Variants in SCHIP1 observed in about 807,000 individuals in gnomAD.
SCHIP1 encodes the protein schwannomin-interacting protein 1.
A neutral mutation model predicts 29.7 loss-of-function variants in SCHIP1; 8 were observed. The observed-to-expected ratio is 0.27, with a 90% CI of 0.16 to 0.49. The LOEUF is 0.49. Ranked by LOEUF, SCHIP1 falls within the 20% of genes least tolerant of loss-of-function variation. The pLI is 0.99. For synonymous variants in SCHIP1, 76 were observed against 94.9 expected (o/e 0.80, Z 1.16); for missense variants, 193 against 294.6 (o/e 0.66, Z 2.52).
the SCHIP1 span, among the ~76,000 whole-genome samples, chr3:159,618,650 C>T: frequency 1.3e-5 from 2 of 152,202 alleles, no homozygotes; most frequent in African/African-American, 4.8e-5. Flanking sequence ...AGATGCAAAA[C>T]GAAACAAAAC....
At chr3:159,331,384 C>T in the SCHIP1 span, among the ~76,000 whole-genome samples, 2 of 152,114 alleles carry the variant, frequency 1.3e-5, no homozygotes, top group Non-Finnish European at 2.9e-5. Context: ...CAAAAAGGAG[C>T]AAAAGCCTTC....
the SCHIP1 span, among the ~76,000 whole-genome samples, chr3:159,539,875 CTAAAGAAA>C: frequency 1.2e-5 from 1 of 83,388 alleles, no homozygotes; most frequent in South Asian, 3.8e-4. Flanking sequence ...ACTATGGACA[CTAAAGAAA>C]TAAAGAGATG....
chr3:159,887,686 G>C (rs1244392316), intron 3 of SCHIP1, 22 bp from the exon 5 acceptor site: 16 of 1,613,408 alleles, frequency 9.9e-6, no homozygotes, highest in Non-Finnish European at 1.4e-5. Context: ...GAAGGCTCAG[G>C]CTGCTCTTTT....
At chr3:159,514,956 C>T in the SCHIP1 span, among the ~76,000 whole-genome samples, 1 of 151,862 alleles carries the variant, frequency 6.6e-6, no homozygotes, top group Admixed American at 6.6e-5. Context: ...TCAGAGCTAC[C>T]CTAGACTCCT....
chr3:159,801,655 C>A, the SCHIP1 span, among the ~76,000 whole-genome samples: 2 of 152,042 alleles, frequency 1.3e-5, no homozygotes, highest in South Asian at 4.1e-4. Context: ...CTGTTATAAT[C>A]AAAATCTTTC....
At chr3:159,525,087 T>C in the SCHIP1 span, among the ~76,000 whole-genome samples, 1 of 152,190 alleles carries the variant, frequency 6.6e-6, no homozygotes, top group African/African-American at 2.4e-5. Flanking sequence ...GGAAATTGCA[T>C]CCTCGGTGTT....
chr3:159,771,146 A>G, the SCHIP1 span, among the ~76,000 whole-genome samples: 1 of 152,206 alleles, frequency 6.6e-6, no homozygotes, highest in Admixed American at 6.5e-5. Context: ...TCTTCCTAGA[A>G]TGGTACTAAT....
chr3:159,428,985 G>T, the SCHIP1 span, among the ~76,000 whole-genome samples: 1 of 144,136 alleles, frequency 6.9e-6, no homozygotes, highest in Non-Finnish European at 1.5e-5. Context: ...TCATAGGTGG[G>T]AATTGAACAA....
upstream of SCHIP1, among the ~76,000 whole-genome samples, chr3:159,839,409 T>C (rs1345340299): frequency 1.3e-5 from 2 of 152,112 alleles, no homozygotes; most frequent in Non-Finnish European, 2.9e-5. Context: ...TCTATCTTAT[T>C]TCTATTTGAC....
chr3:159,887,603 T>A, intron 3 of SCHIP1, 105 bp from the exon 5 acceptor site: 1 of 1,306,104 alleles, frequency 7.7e-7, no homozygotes, highest in Non-Finnish European at 1.1e-6. Context: ...GGGAGGGAAC[T>A]CTGAGCTGCT....
At chr3:159,315,364 A>G in the SCHIP1 span, among the ~76,000 whole-genome samples, 2 of 146,948 alleles carry the variant, frequency 1.4e-5, no homozygotes, top group Non-Finnish European at 3.0e-5. Context: ...ATGCCCGGCT[A>G]ATTTTTTGTA....
the SCHIP1 span, among the ~76,000 whole-genome samples, chr3:159,639,601 G>A: frequency 1.3e-5 from 2 of 152,176 alleles, no homozygotes; most frequent in Non-Finnish European, 2.9e-5. Flanking sequence ...AGTTCCAGCA[G>A]TAAATCCAAA....
the SCHIP1 span, among the ~76,000 whole-genome samples, chr3:159,754,297 C>T: frequency 3.9e-5 from 6 of 152,180 alleles, no homozygotes; most frequent in African/African-American, 1.4e-4. Context: ...CCTATCCTGA[C>T]ACCTGGTATT....
chr3:159,517,702 ATATC>A, the SCHIP1 span, among the ~76,000 whole-genome samples: 1 of 151,942 alleles, frequency 6.6e-6, no homozygotes, highest in Non-Finnish European at 1.5e-5. Flanking sequence ...TATATAGTAT[ATATC>A]TACCTATTTC....
the SCHIP1 span, among the ~76,000 whole-genome samples, chr3:159,413,898 T>C: frequency 6.6e-6 from 1 of 152,140 alleles, no homozygotes; most frequent in South Asian, 2.1e-4. Context: ...AAATCAAAAG[T>C]TTAAACACAT....
the SCHIP1 span, among the ~76,000 whole-genome samples, chr3:159,658,737 T>C: frequency 1.3e-5 from 2 of 152,314 alleles, no homozygotes; most frequent in Admixed American, 6.5e-5. Flanking sequence ...ACCAGATTTA[T>C]ATATCCAACT....
the SCHIP1 span, chr3:159,275,000 C>T: frequency 7.1e-6 from 7 of 980,730 alleles, no homozygotes; most frequent in African/African-American, 1.2e-4. Flanking sequence ...ATTACTGTTG[C>T]TTCTTAACTC....
At chr3:159,447,243 T>C in the SCHIP1 span, among the ~76,000 whole-genome samples, 1 of 152,166 alleles carries the variant, frequency 6.6e-6, no homozygotes, top group Non-Finnish European at 1.5e-5. Flanking sequence ...ATAATTGCAA[T>C]GATTAAATAA....
At chr3:159,515,840 G>A in the SCHIP1 span, among the ~76,000 whole-genome samples, 6 of 152,094 alleles carry the variant, frequency 3.9e-5, no homozygotes, top group Non-Finnish European at 5.9e-5. Flanking sequence ...ATATGGTAGC[G>A]AATAAAATAG....
Sources: gnomAD v4.1 joint callset for allele counts (sites outside exome capture counted in the v4.1 genomes callset) on GRCh38, gnomAD v4.1.1 for gene constraint, MANE v1.5 for transcripts, NCBI Gene and HGNC (gene_info 2026-07-23, HGNC 2026-07-21) for gene names.